The following STK17A variants were observed in gnomAD, a reference collection of about 807,000 sequenced individuals.
The protein encoded by STK17A is serine/threonine-protein kinase 17A.
A neutral mutation model predicts 43.7 loss-of-function variants in STK17A; 26 were observed. That is an observed-to-expected ratio of 0.60 (90% CI 0.44 to 0.83). STK17A has a LOEUF of 0.83. Ranked by LOEUF, STK17A falls within the 40% of genes least tolerant of loss-of-function variation. The pLI is 0.00. For synonymous variants in STK17A, 191 were observed against 182.5 expected, an observed-to-expected ratio of 1.05 and a Z score of -0.38; for missense variants, 476 against 511.6, an observed-to-expected ratio of 0.93 and a Z score of 0.67.
rs747253088 is a variant in STK17A at position 43,588,017 on chromosome 7, G to T, written c.206+4568G>T. On this transcript the variant is annotated intron_variant, in intron 1 of 6. Coordinates refer to ENST00000319357, the MANE Select transcript of STK17A (RefSeq NM_004760.3). ...TAGATGACACAATTTTATAAAATAT[G>T]ATTATTGAACCAAATGCATTAGAAA... Among the ~76,000 whole-genome samples the T allele has an allele frequency of 4.0e-5, 6 of 151,424 alleles. 1 individual carries two copies. Among genetic ancestry groups the T allele is most frequent in the Non-Finnish European group, 8.9e-5 (6 of 67,628 alleles).
intron 1 of STK17A, among the ~76,000 whole-genome samples, chr7:43,592,355 G>T (rs892088924): frequency 1.3e-5 from 2 of 151,434 alleles, no homozygotes; most frequent in Non-Finnish European, 3.0e-5. Flanking sequence ...TCTGAATAAG[G>T]GTGCTGCTAG....
intron 1 of STK17A, among the ~76,000 whole-genome samples, chr7:43,591,779 G>C (rs567318816): frequency 1.3e-5 from 2 of 151,610 alleles, no homozygotes; most frequent in South Asian, 2.1e-4. Context: ...TGTTTAATTT[G>C]CCCTGTTAAA....
intron 1 of STK17A, among the ~76,000 whole-genome samples, chr7:43,585,194 C>G (rs1001803003): frequency 1.3e-5 from 2 of 150,370 alleles, no homozygotes; most frequent in African/African-American, 4.9e-5. Context: ...GAGACTCCAT[C>G]TCCAAAAAAA....
At chr7:43,590,638 G>A (rs75529883) in intron 1 of STK17A, among the ~76,000 whole-genome samples, 2,811 of 151,564 alleles carry the variant, frequency 0.019, 92 homozygotes, top group African/African-American at 0.062. Context: ...TATGGCAACT[G>A]TTTATTCCAG....
chr7:43,617,547 C>A (rs901118325), intron 3 of STK17A, among the ~76,000 whole-genome samples: 6 of 152,010 alleles, frequency 3.9e-5, no homozygotes, highest in African/African-American at 1.5e-4. Context: ...GAGGGATGAT[C>A]ATAGCATTCA....
chr7:43,585,997 C>T (rs2082436626), intron 1 of STK17A, among the ~76,000 whole-genome samples: 1 of 151,386 alleles, frequency 6.6e-6, no homozygotes, highest in Non-Finnish European at 1.5e-5. Flanking sequence ...ATAAACTTTG[C>T]CTGTATTTAT....
At chr7:43,616,530 A>C (rs750489920) in intron 3 of STK17A, among the ~76,000 whole-genome samples, 92 of 152,294 alleles carry the variant, frequency 6.0e-4, no homozygotes, top group Non-Finnish European at 9.8e-4. Flanking sequence ...TCAGACTGAT[A>C]AACCTACGGG....
At chr7:43,599,003 G>A (rs2082539475) in intron 2 of STK17A, among the ~76,000 whole-genome samples, 1 of 152,128 alleles carries the variant, frequency 6.6e-6, no homozygotes, top group Non-Finnish European at 1.5e-5. Context: ...GACCTCAGGT[G>A]ATCCACCTGC....
At chr7:43,621,645 G>GT (rs1386939819) in intron 4 of STK17A, among the ~76,000 whole-genome samples, 2 of 151,940 alleles carry the variant, frequency 1.3e-5, no homozygotes, top group South Asian at 2.1e-4. Flanking sequence ...TTTTTTGTTT[G>GT]TTTTTTTGGT....
intron 2 of STK17A, among the ~76,000 whole-genome samples, chr7:43,597,391 T>C (rs2082524209): frequency 6.6e-6 from 1 of 151,500 alleles, no homozygotes; most frequent in South Asian, 2.1e-4. Flanking sequence ...TTTGTTGTTA[T>C]TATTTTTTTT....
intron 3 of STK17A, 33 bp from the exon 4 acceptor site, chr7:43,619,564 T>C (rs780750799): frequency 3.1e-6 from 5 of 1,606,736 alleles, no homozygotes; most frequent in African/African-American, 1.3e-5. Context: ...ATCATAGTTA[T>C]ATTGATTTTT....
intron 3 of STK17A, chr7:43,609,721 G>A (rs1336722144): frequency 1.3e-5 from 2 of 152,194 alleles, no homozygotes; most frequent in African/African-American, 4.8e-5. Context: ...CATTTACAAA[G>A]ATGGCCTTAC....
chr7:43,585,658 A>G (rs577285019), intron 1 of STK17A, among the ~76,000 whole-genome samples: 1 of 151,664 alleles, frequency 6.6e-6, no homozygotes, highest in Non-Finnish European at 1.5e-5. Context: ...CTTTGGAGTC[A>G]GACAGTGTGA....
chr7:43,610,215 T>C (rs1563151575), intron 3 of STK17A, among the ~76,000 whole-genome samples: 2 of 151,382 alleles, frequency 1.3e-5, no homozygotes, highest in Non-Finnish European at 2.9e-5. Flanking sequence ...GGCATGGTGG[T>C]GGGTGCCTGT....
chr7:43,613,560 A>C (rs898778588), intron 3 of STK17A, among the ~76,000 whole-genome samples: 162 of 152,254 alleles, frequency 1.1e-3, no homozygotes, highest in African/African-American at 3.5e-3. Context: ...GACTAGAAGA[A>C]GGCCAGGTGT....
At chr7:43,601,763 CCCT>C (rs752106776) in intron 2 of STK17A, among the ~76,000 whole-genome samples, 11 of 152,186 alleles carry the variant, frequency 7.2e-5, no homozygotes, top group Admixed American at 1.3e-4. Flanking sequence ...TGCTGTGTGT[CCCT>C]CCTCCTGTGC....
Position 43,589,181 on chromosome 7 carries a change from G to A in STK17A, c.206+5732G>A, listed in dbSNP as rs147466237. The stretch of plus-strand genomic sequence containing the variant: ...AAACTTTTATTTAACAAAATAATAA[G>A]CAGTATATATACTAGGTGTGCTGAT... On this transcript the variant is annotated intron_variant, in intron 1 of 6. Transcript: ENST00000319357. Among the ~76,000 whole-genome samples the A allele has an allele frequency of 3.5e-3, 538 of 151,628 alleles. 8 individuals carry two copies. The highest frequency in any genetic ancestry group is 0.012 in the African/African-American group (508 of 41,486).
intron 2 of STK17A, among the ~76,000 whole-genome samples, chr7:43,598,043 T>C (rs1420476374): frequency 6.6e-6 from 1 of 152,190 alleles, no homozygotes; most frequent in Non-Finnish European, 1.5e-5. Context: ...TTTTAATACA[T>C]GACATTTCAT....
In STK17A at chr7:43,624,731, A is replaced by G. The variant is rs368867119; in HGVS notation, c.1134A>G (p.Leu378=). ...EELIVVTSYT[L]GQCRQSEKEK... ...TAATTGTAGTTACTTCATATACTCT[A>G]GGACAATGCAGACAGTCTGAAAAAG... Residue 378 remains leucine, a synonymous_variant, in exon 7 of 7, where the codon CTA becomes CTG. Transcript: ENST00000319357. 2 of 1,613,998 alleles carry G rather than the reference A, an allele frequency of 1.2e-6. No homozygotes were observed. Among genetic ancestry groups the G allele is most frequent in the Non-Finnish European group, 8.5e-7 (1 of 1,179,990 alleles).
Sources: allele counts gnomAD v4.1 joint callset (sites outside exome capture counted in the v4.1 genomes callset), GRCh38; gene constraint gnomAD v4.1.1; transcripts MANE v1.5; gene names NCBI Gene and HGNC (gene_info 2026-07-23, HGNC 2026-07-21).